The following CELF2 variants were observed in gnomAD, a reference collection of about 807,000 sequenced individuals.
CELF2 encodes CUGBP Elav-like family member 2, also known as CUG triplet repeat RNA-binding protein 2.
In CELF2, 8 loss-of-function variants were observed where a neutral mutation model predicts 62.6. The observed-to-expected ratio is 0.13, with a 90% CI of 0.07 to 0.23. The LOEUF is 0.23. Among genes scored for constraint, CELF2 ranks in the 10% least tolerant of loss-of-function variants. CELF2 has a pLI of 1.00. For synonymous variants in CELF2, 258 were observed against 250.0 expected (o/e 1.03, Z -0.30); for missense variants, 333 against 671.0 (o/e 0.50, Z 5.56).
At chr10:10,721,975 G>A in the CELF2 span, among the ~76,000 whole-genome samples, 22 of 152,158 alleles carry the variant, frequency 1.4e-4, no homozygotes, top group Non-Finnish European at 3.2e-4. Context: ...CATAGTTCAG[G>A]AAAGCTTTTT....
At chr10:11,109,718 T>G (rs1438646947) in intron 1 of CELF2, among the ~76,000 whole-genome samples, 1 of 152,204 alleles carries the variant, frequency 6.6e-6, no homozygotes, top group Admixed American at 6.5e-5. Flanking sequence ...TATGAAAGTT[T>G]TGTGAGTTTC....
chr10:10,996,290 TA>T (rs1301965584), intron 2 of CELF2, among the ~76,000 whole-genome samples: 5 of 152,214 alleles, frequency 3.3e-5, no homozygotes, highest in Non-Finnish European at 7.3e-5. Flanking sequence ...CTAGCCCTGT[TA>T]CTTTTTAGTT....
At chr10:11,078,255 G>C (rs905571699) in intron 1 of CELF2, among the ~76,000 whole-genome samples, 44 of 152,082 alleles carry the variant, frequency 2.9e-4, no homozygotes, top group Non-Finnish European at 6.0e-4. Context: ...GAAGTGGTGG[G>C]GGGCGGAATG....
At chr10:10,892,375 C>G (rs959323268) in intron 1 of CELF2, among the ~76,000 whole-genome samples, 3 of 152,110 alleles carry the variant, frequency 2.0e-5, no homozygotes, top group African/African-American at 7.2e-5. Flanking sequence ...CCTCATTCCC[C>G]AGAGCTCCTC....
chr10:10,777,781 T>A, the CELF2 span, among the ~76,000 whole-genome samples: 102 of 152,264 alleles, frequency 6.7e-4, 2 homozygotes, highest in African/African-American at 2.2e-3. Flanking sequence ...CCTGACTCCA[T>A]AGCTCTTCAT....
At chr10:11,131,860 A>G (rs1163127417) in intron 1 of CELF2, among the ~76,000 whole-genome samples, 1 of 152,222 alleles carries the variant, frequency 6.6e-6, no homozygotes, top group African/African-American at 2.4e-5. Context: ...TTAGACATAA[A>G]AGCCAGAACT....
the CELF2 span, among the ~76,000 whole-genome samples, chr10:10,769,427 T>A: frequency 6.6e-6 from 1 of 152,086 alleles, no homozygotes; most frequent in East Asian, 1.9e-4. Flanking sequence ...GAGAGGTTAG[T>A]GACTGGTAGA....
At chr10:11,095,360 C>T (rs1475292282) in intron 1 of CELF2, among the ~76,000 whole-genome samples, 1 of 152,168 alleles carries the variant, frequency 6.6e-6, no homozygotes, top group Non-Finnish European at 1.5e-5. Flanking sequence ...GGCATCATCC[C>T]ACAATGTGTC....
intron 8 of CELF2, among the ~76,000 whole-genome samples, chr10:11,284,522 G>A (rs1041468082): frequency 6.6e-6 from 1 of 151,510 alleles, no homozygotes; most frequent in African/African-American, 2.4e-5. Flanking sequence ...ATGAGTGTGT[G>A]GTGGGTGGAT....
intron 3 of CELF2, 32 bp from the exon 4 acceptor site, chr10:11,249,121 C>T: frequency 6.3e-7 from 1 of 1,583,404 alleles, no homozygotes; most frequent in Non-Finnish European, 8.7e-7. Flanking sequence ...GTTGTTCAAT[C>T]TGCCTTTACT....
chr10:11,118,138 G>T (rs17447622), intron 1 of CELF2, among the ~76,000 whole-genome samples: 8,451 of 152,152 alleles, frequency 0.056, 276 homozygotes, highest in Middle Eastern at 0.065. Flanking sequence ...TGTCAAGACT[G>T]ATTTGCACAG....
the CELF2 span, among the ~76,000 whole-genome samples, chr10:10,469,909 T>G: frequency 1.3e-5 from 2 of 151,870 alleles, no homozygotes; most frequent in African/African-American, 2.4e-5. Context: ...ATAATTCATC[T>G]GAGTAATCCC....
chr10:11,151,883 C>G (rs1361930051), intron 1 of CELF2, among the ~76,000 whole-genome samples: 1 of 152,214 alleles, frequency 6.6e-6, no homozygotes, highest in Non-Finnish European at 1.5e-5. Flanking sequence ...GGGTCATGCT[C>G]CATCTTGCAA....
At chr10:10,547,891 T>G in the CELF2 span, among the ~76,000 whole-genome samples, 1 of 152,258 alleles carries the variant, frequency 6.6e-6, no homozygotes, top group African/African-American at 2.4e-5. Flanking sequence ...AGAGTGAATA[T>G]TTTCCTTTGT....
At chr10:10,707,564 A>T in the CELF2 span, among the ~76,000 whole-genome samples, 1 of 152,186 alleles carries the variant, frequency 6.6e-6, no homozygotes, top group Non-Finnish European at 1.5e-5. Context: ...CACATGAAGG[A>T]AACCATCCCT....
At chr10:10,711,002 C>T in the CELF2 span, among the ~76,000 whole-genome samples, 1 of 152,112 alleles carries the variant, frequency 6.6e-6, no homozygotes, top group African/African-American at 2.4e-5. Context: ...AGTTTCTTAA[C>T]CTTGATTGAC....
intron 2 of CELF2, among the ~76,000 whole-genome samples, chr10:10,933,209 G>A (rs927055848): frequency 7.9e-5 from 12 of 152,006 alleles, no homozygotes; most frequent in African/African-American, 2.7e-4. Flanking sequence ...AGGCTGAGGT[G>A]GGAGGATCTC....
At chr10:10,804,503 G>GA (rs2055003904) in intron 1 of CELF2, among the ~76,000 whole-genome samples, 2 of 152,190 alleles carry the variant, frequency 1.3e-5, no homozygotes. Flanking sequence ...TTGTTATTAG[G>GA]AAAAAACTTC....
At chr10:10,804,256 G>A (rs1224853825) in intron 1 of CELF2, among the ~76,000 whole-genome samples, 1 of 152,194 alleles carries the variant, frequency 6.6e-6, no homozygotes, top group Non-Finnish European at 1.5e-5. Context: ...ACTTTGCTAT[G>A]TTAGCCTGAG....
Sources: allele counts gnomAD v4.1 joint callset (sites outside exome capture counted in the v4.1 genomes callset), GRCh38; gene constraint gnomAD v4.1.1; transcripts MANE v1.5; gene names NCBI Gene and HGNC (gene_info 2026-07-23, HGNC 2026-07-21).